STPG2: variants seen among roughly 807,000 people sequenced by gnomAD.
STPG2 encodes sperm tail PG-rich repeat containing 2.
Under a neutral mutation model 54.2 loss-of-function variants are expected in STPG2, and 56 were observed. The ratio of observed to expected loss-of-function variants is 1.03; its 90% confidence interval spans 0.83 to 1.29. STPG2 has a LOEUF of 1.29. Among genes scored for constraint, STPG2 ranks in the 50% most tolerant of loss-of-function variants. The probability of loss-of-function intolerance (pLI) is 0.00; values close to 1 mark genes in which losing one functional copy is unlikely to be tolerated. For missense variants in STPG2, 596 were observed against 544.9 expected, an observed-to-expected ratio of 1.09 and a Z score of -0.93; for synonymous variants, 200 against 181.8, an observed-to-expected ratio of 1.10 and a Z score of -0.81.
intron 3 of STPG2, among the ~76,000 whole-genome samples, chr4:98,113,391 T>G (rs1739417682): frequency 6.6e-6 from 1 of 152,096 alleles, no homozygotes; most frequent in African/African-American, 2.4e-5. Context: ...AAAATGGTAT[T>G]TAAGTTATTA....
chr4:97,900,469 C>A (rs143851726), intron 8 of STPG2, among the ~76,000 whole-genome samples: 1 of 151,896 alleles, frequency 6.6e-6, no homozygotes, highest in Non-Finnish European at 1.5e-5. Flanking sequence ...AACAGATGCA[C>A]ATGAATGAAT....
chr4:97,594,447 G>GA (rs1381186989), intron 10 of STPG2, among the ~76,000 whole-genome samples: 1 of 151,950 alleles, frequency 6.6e-6, no homozygotes, highest in Admixed American at 6.6e-5. Context: ...CAAAAATAAA[G>GA]AAAAAAGATT....
At chr4:97,524,078 C>A (rs553928430) in intron 4 of STPG2, among the ~76,000 whole-genome samples, 11 of 151,930 alleles carry the variant, frequency 7.2e-5, no homozygotes, top group South Asian at 4.2e-4. Context: ...CAGGAGTAGA[C>A]AATGGAAACC....
intron 10 of STPG2, among the ~76,000 whole-genome samples, chr4:97,575,468 T>C (rs1732700807): frequency 6.6e-6 from 1 of 152,120 alleles, no homozygotes; most frequent in Non-Finnish European, 1.5e-5. Context: ...TGGTCCGACA[T>C]ATACAAGTCA....
intron 4 of STPG2, among the ~76,000 whole-genome samples, chr4:97,464,332 T>C (rs934016823): frequency 1.3e-4 from 20 of 152,146 alleles, no homozygotes; most frequent in Admixed American, 1.1e-3. Flanking sequence ...AGAGATTACT[T>C]AATACTTTGG....
chr4:97,640,198 C>A (rs566404264), intron 10 of STPG2, among the ~76,000 whole-genome samples: 10 of 151,910 alleles, frequency 6.6e-5, no homozygotes, highest in African/African-American at 2.4e-4. Context: ...GAACACACTT[C>A]CAAGAGAAGA....
At chr4:97,489,902 T>A (rs1730461483) in intron 4 of STPG2, 1 of 151,244 alleles carries the variant, frequency 6.6e-6, no homozygotes, top group Non-Finnish European at 1.5e-5. Context: ...AGATTGCAGA[T>A]CTAGTATCCA....
intron 8 of STPG2, among the ~76,000 whole-genome samples, chr4:97,890,755 T>C (rs938882379): frequency 5.9e-5 from 9 of 151,966 alleles, no homozygotes; most frequent in African/African-American, 1.4e-4. Flanking sequence ...AATTTTATCA[T>C]TATACACTAT....
intron 9 of STPG2, among the ~76,000 whole-genome samples, chr4:97,725,756 A>G (rs979222552): frequency 6.6e-5 from 10 of 151,956 alleles, no homozygotes; most frequent in Non-Finnish European, 1.2e-4. Context: ...TGCTTAAAAA[A>G]GATAGAATTC....
At chr4:97,922,999 G>C (rs551688971) in intron 8 of STPG2, among the ~76,000 whole-genome samples, 1 of 151,994 alleles carries the variant, frequency 6.6e-6, no homozygotes, top group East Asian at 1.9e-4. Flanking sequence ...TTCTACCAAA[G>C]TCATTTCAAC....
chr4:97,900,755 G>C (rs1279634098), intron 8 of STPG2, among the ~76,000 whole-genome samples: 1 of 151,806 alleles, frequency 6.6e-6, no homozygotes, highest in Non-Finnish European at 1.5e-5. Flanking sequence ...GATAACAGCA[G>C]ACACTGGAGT....
chr4:98,114,316 AT>A (rs538748213), intron 3 of STPG2, among the ~76,000 whole-genome samples: 1 of 152,018 alleles, frequency 6.6e-6, no homozygotes, highest in Admixed American at 6.6e-5. Context: ...AATTGTGCAT[AT>A]TTTTTTCTAC....
intron 8 of STPG2, among the ~76,000 whole-genome samples, chr4:97,859,704 C>G (rs575157373): frequency 6.6e-6 from 1 of 152,250 alleles, no homozygotes; most frequent in South Asian, 2.1e-4. Flanking sequence ...ACCTCGTGAT[C>G]CGCCAACTTG....
chr4:97,601,455 T>G (rs1733459203), intron 10 of STPG2, among the ~76,000 whole-genome samples: 1 of 152,058 alleles, frequency 6.6e-6, no homozygotes, highest in African/African-American at 2.4e-5. Context: ...GATTTTTGCA[T>G]ATGGCATGTT....
chr4:98,074,650 C>G (rs1337533569), intron 5 of STPG2, among the ~76,000 whole-genome samples: 1 of 152,110 alleles, frequency 6.6e-6, no homozygotes, highest in African/African-American at 2.4e-5. Flanking sequence ...GAACTTGTCT[C>G]CAAGCTTACT....
chr4:97,567,830 G>A (rs1283629403), intron 10 of STPG2, among the ~76,000 whole-genome samples: 2 of 152,140 alleles, frequency 1.3e-5, no homozygotes, highest in Admixed American at 6.6e-5. Context: ...TATGACCTTT[G>A]TGTAAGGAAA....
At chr4:97,941,953 A>T (rs545182809) in intron 8 of STPG2, among the ~76,000 whole-genome samples, 117 of 152,032 alleles carry the variant, frequency 7.7e-4, no homozygotes, top group African/African-American at 2.6e-3. Flanking sequence ...TTCATGTCAG[A>T]AAAGAGAACA....
At chr4:97,811,865 AT>A (rs1405306490) in intron 9 of STPG2, among the ~76,000 whole-genome samples, 1 of 152,160 alleles carries the variant, frequency 6.6e-6, no homozygotes, top group African/African-American at 2.4e-5. Context: ...AATATTCAAA[AT>A]TACTTTAAAA....
At chr4:97,893,362 G>A (rs1730841501) in intron 8 of STPG2, among the ~76,000 whole-genome samples, 1 of 152,022 alleles carries the variant, frequency 6.6e-6, no homozygotes. Flanking sequence ...GAAACATTTG[G>A]TAATCAAATA....
Sources: allele counts gnomAD v4.1 joint callset (sites outside exome capture counted in the v4.1 genomes callset), GRCh38; gene constraint gnomAD v4.1.1; transcripts MANE v1.5; gene names NCBI Gene and HGNC (gene_info 2026-07-23, HGNC 2026-07-21).